SUCO: variants seen among roughly 807,000 people sequenced by gnomAD.
SUCO encodes the protein SUN domain containing ossification factor.
SUCO carries 57 observed loss-of-function variants against 148.1 expected under a neutral mutation model. That is an observed-to-expected ratio of 0.38 (90% CI 0.31 to 0.48). SUCO has a LOEUF of 0.48. Among genes scored for constraint, SUCO ranks in the 20% least tolerant of loss-of-function variants. The pLI is 0.96. For synonymous variants in SUCO, 470 were observed against 502.7 expected (o/e 0.93, Z 0.87); for missense variants, 1,331 against 1,468.2 (o/e 0.91, Z 1.53).
At chr1:172,597,244 C>T (rs559197250) in intron 19 of SUCO, among the ~76,000 whole-genome samples, 11 of 152,358 alleles carry the variant, frequency 7.2e-5, no homozygotes, top group East Asian at 3.9e-4. Flanking sequence ...CCGGGTGTGG[C>T]GGTGCCCCGC....
At chr1:172,596,727 C>T (rs560265451) in intron 19 of SUCO, among the ~76,000 whole-genome samples, 24 of 152,326 alleles carry the variant, frequency 1.6e-4, no homozygotes, top group Admixed American at 3.3e-4. Flanking sequence ...TTAGGCTACA[C>T]GGGGGTCAGG....
intron 20 of SUCO, among the ~76,000 whole-genome samples, chr1:172,600,698 G>A (rs555377370): frequency 5.5e-3 from 78 of 14,272 alleles, no homozygotes; most frequent in South Asian, 0.027. Context: ...AAAATTAAAT[G>A]TGTGTGTGTG....
intron 1 of SUCO, among the ~76,000 whole-genome samples, chr1:172,540,842 T>C (rs1652397827): frequency 6.6e-6 from 1 of 152,146 alleles, no homozygotes; most frequent in Non-Finnish European, 1.5e-5. Context: ...GATAATCTAG[T>C]TGATATGGGT....
At chr1:172,538,452 TTTTC>T (rs1264384922) in intron 1 of SUCO, among the ~76,000 whole-genome samples, 1 of 152,180 alleles carries the variant, frequency 6.6e-6, no homozygotes, top group African/African-American at 2.4e-5. Context: ...ATAAGCTGTT[TTTTC>T]TTTTTTGAGG....
At chr1:172,585,653 C>T (rs1656188144) in intron 16 of SUCO, among the ~76,000 whole-genome samples, 1 of 152,084 alleles carries the variant, frequency 6.6e-6, no homozygotes, top group African/African-American at 2.4e-5. Flanking sequence ...ATTTAATTAT[C>T]TGAGAAATTG....
At chr1:172,541,207 T>C (rs1652429278) in intron 1 of SUCO, among the ~76,000 whole-genome samples, 1 of 152,214 alleles carries the variant, frequency 6.6e-6, no homozygotes. Flanking sequence ...CACCTCTAGA[T>C]ATTATATGGG....
intron 9 of SUCO, among the ~76,000 whole-genome samples, chr1:172,573,215 T>C (rs1655178468): frequency 6.6e-6 from 1 of 152,192 alleles, no homozygotes. Flanking sequence ...GTAATTTCTC[T>C]CAAACTCTCT....
Position 172,533,197 on chromosome 1 carries a change from GGC to G in SUCO, c.-238_-237del. Reference sequence around the variant, plus strand: ...AGGAGGCGGGCGTGGACGAGCCGGTGGCTGCAGCGGCGGCGGTCCCCGGAGTC... The same window carrying G: ...AGGAGGCGGGCGTGGACGAGCCGGTGTGCAGCGGCGGCGGTCCCCGGAGTC... On this transcript the variant is annotated 5_prime_UTR_variant, in exon 1 of 24. An upstream open reading frame in the 5' UTR loses its in-frame stop. Coordinates refer to ENST00000263688, the MANE Select transcript of SUCO (RefSeq NM_014283.5). The G allele has an allele frequency of 1.3e-6, 2 of 1,509,482 alleles. No homozygotes were observed. Among genetic ancestry groups the G allele is most frequent in the Non-Finnish European group, 1.8e-6 (2 of 1,129,362 alleles). 93.5% of individuals were successfully genotyped at this position (1,509,482 alleles called of 1,614,324 possible).
intron 1 of SUCO, 150 bp downstream of exon 1, chr1:172,533,647 A>G (rs1651791965): frequency 1.9e-6 from 2 of 1,039,734 alleles, no homozygotes; most frequent in Non-Finnish European, 2.7e-6. Flanking sequence ...TCGACTCTCC[A>G]TCTGACTGGT....
intron 1 of SUCO, chr1:172,550,926 GATA>G (rs1247799840): frequency 1.1e-6 from 1 of 940,246 alleles, no homozygotes; most frequent in Non-Finnish European, 1.3e-6. Flanking sequence ...AACTCTACTT[GATA>G]ATAATTGTGG....
rs908030580 is a variant in SUCO, at chr1:172,537,116, C to G, written c.62+3619C>G. The stretch of plus-strand genomic sequence containing the variant: ...GGCAAACTGGGAAAGCTGCATCACC[C>G]TAAAGAGGAAAAAAACATAATTAGT... On this transcript the variant is annotated intron_variant, in intron 1 of 23. Transcript: ENST00000263688. 3.9e-5 allele frequency among the ~76,000 whole-genome samples: 6 copies of G among 152,020 alleles called. No individual in the cohort carries two copies. The South Asian group carries it at 6.2e-4, about 16-fold the overall frequency.
At chr1:172,608,860 AAG>A in intron 23 of SUCO, 58 bp downstream of exon 23, 2 of 1,170,768 alleles carry the variant, frequency 1.7e-6, no homozygotes, top group East Asian at 4.7e-5. Context: ...AAATGAAGAA[AAG>A]AGGTTGAAAG....
At position 172,608,783 on chromosome 1, in the gene SUCO, A is replaced by C; in HGVS notation, c.3302A>C (p.Lys1101Thr). 1.3e-6 allele frequency: 2 copies of C among 1,581,872 alleles called. No individual in the cohort carries two copies. The highest frequency in any genetic ancestry group is 1.7e-6 in the Non-Finnish European group (2 of 1,158,498). The part of the protein sequence containing the change: ...PNDLYIVEPL[K>T]FSPEKKKKRC... ...GATTTGTACATTGTAGAACCCCTCA[A>C]GTTTTCTCCAGAAAAGAAGGTAATT... Residue 1101 changes from lysine (K) to threonine (T), a missense_variant, in exon 23 of 24, where the codon AAG (lysine) becomes ACG (threonine). By Grantham distance (78) the Lys-to-Thr change is moderately conservative. Coordinates refer to ENST00000263688, the MANE Select transcript of SUCO (RefSeq NM_014283.5).
intron 1 of SUCO, among the ~76,000 whole-genome samples, chr1:172,547,132 A>C (rs972367060): frequency 1.3e-5 from 2 of 152,230 alleles, no homozygotes; most frequent in Admixed American, 1.3e-4. Flanking sequence ...AACATCATCT[A>C]AATGGAGTTA....
chr1:172,584,338 T>C (rs1310975046), intron 15 of SUCO: 3 of 908,556 alleles, frequency 3.3e-6, no homozygotes, highest in Non-Finnish European at 1.3e-6. Flanking sequence ...TAAAGAAAAA[T>C]AGGTTTTTCT....
At chr1:172,588,355 A>G in intron 17 of SUCO, 2 of 985,378 alleles carry the variant, frequency 2.0e-6, no homozygotes, top group South Asian at 9.4e-5. Flanking sequence ...TAGTTTATTA[A>G]GCTAGCTCTT....
chr1:172,568,883 T>G (rs1029811098), intron 6 of SUCO, 136 bp from the exon 7 acceptor site: 9 of 864,980 alleles, frequency 1.0e-5, no homozygotes, highest in Non-Finnish European at 8.3e-6. Context: ...TCTTTTTACG[T>G]TTTTTATTTT....
chr1:172,606,777 T>G (rs949600858), intron 22 of SUCO, among the ~76,000 whole-genome samples: 1 of 151,816 alleles, frequency 6.6e-6, no homozygotes, highest in Non-Finnish European at 1.5e-5. Flanking sequence ...CAACCATTAT[T>G]TTTTCCTCCC....
chr1:172,548,996 A>C (rs992057337), intron 1 of SUCO, among the ~76,000 whole-genome samples: 5 of 151,852 alleles, frequency 3.3e-5, no homozygotes, highest in African/African-American at 1.2e-4. Context: ...TATATTTTCT[A>C]CATTGTTAGG....
Sources: gnomAD v4.1 joint callset for allele counts (sites outside exome capture counted in the v4.1 genomes callset) on GRCh38, gnomAD v4.1.1 for gene constraint, MANE v1.5 for transcripts, NCBI Gene and HGNC (gene_info 2026-07-23, HGNC 2026-07-21) for gene names.